Variants in RAD51B observed in about 807,000 individuals in gnomAD.
RAD51B encodes DNA repair protein RAD51 homolog 2.
A neutral mutation model predicts 42.2 loss-of-function variants in RAD51B; 38 were observed. The observed-to-expected ratio is 0.90, with a 90% CI of 0.70 to 1.18. The LOEUF (loss-of-function observed/expected upper bound fraction) is 1.18, where lower values mean the gene tolerates loss of function less well. RAD51B is among the 50% of genes most tolerant of loss of function. The pLI is 0.00. For missense variants in RAD51B, 373 were observed against 400.7 expected (o/e 0.93, Z 0.59); for synonymous variants, 154 against 145.2 (o/e 1.06, Z -0.43).
rs529438390 is a variant in RAD51B at position 68,037,232 on chromosome 14, CT to C, written c.756+150035del. 5.3e-5 allele frequency among the ~76,000 whole-genome samples: 7 copies of C among 132,506 alleles called. No homozygotes were observed. In the South Asian group the frequency reaches 1.4e-3, roughly 27 times the overall value. The allele number at this position is 132,506 out of a possible 152,430, so 86.9% of individuals were successfully genotyped here. A position where few individuals can be genotyped will look rare whatever the true frequency, so the allele number is the denominator to read the frequency against. ...CTCCCCTCCTCTCCTCTCTTCTTTT[CT>C]TTTTTTCCTTTCTTTGTCTTGCTCT... On this transcript the variant is annotated intron_variant, in intron 7 of 10. Coordinates refer to ENST00000471583, the MANE Select transcript of RAD51B (RefSeq NM_133510.4).
intron 10 of RAD51B, among the ~76,000 whole-genome samples, chr14:68,527,161 A>C (rs1339433595): frequency 6.6e-6 from 1 of 152,246 alleles, no homozygotes; most frequent in African/African-American, 2.4e-5. Flanking sequence ...AAAATGAAAA[A>C]GCCTACATGC....
intron 7 of RAD51B, among the ~76,000 whole-genome samples, chr14:67,929,841 G>A (rs541418502): frequency 2.0e-5 from 3 of 151,186 alleles, no homozygotes; most frequent in East Asian, 1.9e-4. Flanking sequence ...TAAGAAATGG[G>A]GTCTCAATAT....
chr14:68,575,790 C>T (rs1403212033), intron 10 of RAD51B, among the ~76,000 whole-genome samples: 1 of 152,242 alleles, frequency 6.6e-6, no homozygotes, highest in East Asian at 1.9e-4. Flanking sequence ...CAGAAAGCCT[C>T]ATACTTACCT....
intron 10 of RAD51B, among the ~76,000 whole-genome samples, chr14:68,604,496 T>C (rs1891363003): frequency 6.6e-6 from 1 of 152,178 alleles, no homozygotes; most frequent in Non-Finnish European, 1.5e-5. Flanking sequence ...CTGTCAGCCC[T>C]CCAGTAAAGT....
At chr14:68,316,145 G>A (rs1436901703) in intron 8 of RAD51B, among the ~76,000 whole-genome samples, 2 of 152,190 alleles carry the variant, frequency 1.3e-5, no homozygotes, top group Non-Finnish European at 2.9e-5. Context: ...TGGGTTACAA[G>A]AAAGAATACA....
chr14:68,118,680 A>AT (rs891453627), intron 7 of RAD51B, among the ~76,000 whole-genome samples: 4 of 152,164 alleles, frequency 2.6e-5, no homozygotes, highest in Non-Finnish European at 5.9e-5. Flanking sequence ...AGCTCTGCGG[A>AT]TTTTTTTATA....
intron 8 of RAD51B, among the ~76,000 whole-genome samples, chr14:68,371,036 C>CAAAA (rs75617123): frequency 0.26 from 6,702 of 25,404 alleles, 1,398 homozygotes; most frequent in Non-Finnish European, 0.34. Flanking sequence ...GACTCTGTCT[C>CAAAA]AAAAAAAAAA....
intron 9 of RAD51B, among the ~76,000 whole-genome samples, chr14:68,467,504 A>G (rs1200277114): frequency 2.0e-5 from 3 of 152,232 alleles, no homozygotes; most frequent in Admixed American, 6.5e-5. Flanking sequence ...TAGCATGGAC[A>G]TATTTTTCTC....
chr14:68,113,604 A>G (rs997883626), intron 7 of RAD51B: 3 of 146,438 alleles, frequency 2.0e-5, no homozygotes, highest in African/African-American at 8.3e-5. Context: ...TGCAACATGA[A>G]TTCTCTGCTT....
At chr14:67,961,398 A>G (rs947719686) in intron 7 of RAD51B, among the ~76,000 whole-genome samples, 1 of 152,198 alleles carries the variant, frequency 6.6e-6, no homozygotes, top group Non-Finnish European at 1.5e-5. Context: ...ATTGGTCACT[A>G]AGAAAGTAGG....
At chr14:68,203,762 A>G (rs2079534645) in intron 7 of RAD51B, among the ~76,000 whole-genome samples, 2 of 152,262 alleles carry the variant, frequency 1.3e-5, no homozygotes, top group Non-Finnish European at 2.9e-5. Context: ...AAATTTCTGC[A>G]ACTTCTACAT....
At chr14:68,670,129 C>T (rs1445045328) in intron 11 of RAD51B, among the ~76,000 whole-genome samples, 1 of 152,222 alleles carries the variant, frequency 6.6e-6, no homozygotes, top group East Asian at 1.9e-4. Context: ...TGCTCATAAA[C>T]AGCCACTATG....
chr14:68,602,812 C>G (rs117655875), intron 10 of RAD51B, among the ~76,000 whole-genome samples: 1 of 152,178 alleles, frequency 6.6e-6, no homozygotes, highest in Non-Finnish European at 1.5e-5. Context: ...GTACTATGAC[C>G]TAGGCAAGTC....
At chr14:67,860,337 T>G (rs1355453715) in intron 4 of RAD51B, among the ~76,000 whole-genome samples, 1 of 152,206 alleles carries the variant, frequency 6.6e-6, no homozygotes, top group Non-Finnish European at 1.5e-5. Context: ...GCCATTAAAA[T>G]AAAGATGTAT....
intron 10 of RAD51B, among the ~76,000 whole-genome samples, chr14:68,516,386 A>G (rs2074850339): frequency 6.6e-6 from 1 of 152,150 alleles, no homozygotes; most frequent in South Asian, 2.1e-4. Context: ...AGTGTTTTAC[A>G]TTTTTGCAAA....
At chr14:67,938,229 C>G (rs1185134722) in intron 7 of RAD51B, among the ~76,000 whole-genome samples, 3 of 152,200 alleles carry the variant, frequency 2.0e-5, no homozygotes, top group Non-Finnish European at 4.4e-5. Flanking sequence ...GTTCTCCCTT[C>G]AGAAAGATTC....
At chr14:67,877,143 C>A (rs566919526) in intron 5 of RAD51B, among the ~76,000 whole-genome samples, 8 of 151,976 alleles carry the variant, frequency 5.3e-5, no homozygotes, top group South Asian at 2.1e-4. Context: ...GGATGCTAGC[C>A]ATTCTGTAAT....
intron 7 of RAD51B, among the ~76,000 whole-genome samples, chr14:68,199,779 T>C (rs17105140): frequency 0.028 from 4,280 of 152,260 alleles, 227 homozygotes; most frequent in African/African-American, 0.099. Context: ...CTTGGGTCTG[T>C]CTTGGCTAAG....
chr14:68,165,810 C>T (rs755039499), intron 7 of RAD51B, among the ~76,000 whole-genome samples: 3 of 152,178 alleles, frequency 2.0e-5, no homozygotes, highest in East Asian at 1.9e-4. Flanking sequence ...GCTTTATACT[C>T]GAAGTTGCAA....
Sources: gnomAD v4.1 joint callset for allele counts (sites outside exome capture counted in the v4.1 genomes callset) on GRCh38, gnomAD v4.1.1 for gene constraint, MANE v1.5 for transcripts, NCBI Gene and HGNC (gene_info 2026-07-23, HGNC 2026-07-21) for gene names.